Variants in DAGLA observed in about 807,000 individuals in gnomAD.
DAGLA encodes diacylglycerol lipase-alpha.
A neutral mutation model predicts 102.6 loss-of-function variants in DAGLA; 22 were observed. The ratio of observed to expected loss-of-function variants is 0.21; its 90% CI spans 0.15 to 0.31. The LOEUF (loss-of-function observed/expected upper bound fraction) is 0.31, where lower values mean the gene tolerates loss of function less well. DAGLA is among the 10% of genes least tolerant of loss of function. The pLI is 1.00. For missense variants in DAGLA, 927 were observed against 1,446.6 expected, an observed-to-expected ratio of 0.64 and a Z score of 5.83; for synonymous variants, 578 against 628.9, an observed-to-expected ratio of 0.92 and a Z score of 1.21.
chr11:61,723,617 G>C lies in DAGLA; in HGVS notation c.548+45G>C, dbSNP rs116883390. The stretch of plus-strand genomic sequence containing the variant: ...GGGCAGTCCCAGGGTGGGCTTTGCT[G>C]TCTGGTGAGCAGAGGTCTCCATTCT... On this transcript the variant is annotated intron_variant, in intron 5 of 19. Coordinates refer to ENST00000257215, the MANE Select transcript of DAGLA (RefSeq NM_006133.3). The C allele has an allele frequency of 1.5e-4, 241 of 1,599,560 alleles. No homozygotes were observed. In the East Asian group the frequency reaches 5.3e-3, roughly 35 times the overall value.
chr11:61,725,060 G>A (rs2065313834), intron 5 of DAGLA, among the ~76,000 whole-genome samples: 1 of 152,146 alleles, frequency 6.6e-6, no homozygotes, highest in African/African-American at 2.4e-5. Flanking sequence ...ACAGATTGAT[G>A]TTAAGTGCCT....
intron 7 of DAGLA, 49 bp from the exon 8 acceptor site, chr11:61,728,882 A>G (rs933050853): frequency 6.4e-6 from 10 of 1,557,470 alleles, no homozygotes; most frequent in Non-Finnish European, 8.9e-6. Context: ...CCAGCCATGC[A>G]GCCGGGCCTG....
At chr11:61,732,575 G>T (rs1013608324) in intron 9 of DAGLA, among the ~76,000 whole-genome samples, 2 of 152,188 alleles carry the variant, frequency 1.3e-5, no homozygotes, top group African/African-American at 4.8e-5. Flanking sequence ...CAGAACCCAG[G>T]GTATCACTGG....
intron 1 of DAGLA, among the ~76,000 whole-genome samples, chr11:61,699,407 C>T (rs1462566318): frequency 2.0e-5 from 3 of 152,170 alleles, no homozygotes; most frequent in Non-Finnish European, 2.9e-5. Flanking sequence ...CCACCCCACA[C>T]CCACAGGTGG....
intron 1 of DAGLA, among the ~76,000 whole-genome samples, chr11:61,712,693 G>A (rs1278083926): frequency 6.6e-6 from 1 of 152,164 alleles, no homozygotes; most frequent in Non-Finnish European, 1.5e-5. Flanking sequence ...CAGCCCACAC[G>A]TGCTTTCTCT....
intron 1 of DAGLA, among the ~76,000 whole-genome samples, chr11:61,683,911 A>G (rs1200017565): frequency 6.6e-6 from 1 of 152,114 alleles, no homozygotes; most frequent in African/African-American, 2.4e-5. Context: ...ACAATATTTC[A>G]ACTCTGGTCC....
chr11:61,703,387 G>A (rs2065123722), intron 1 of DAGLA, among the ~76,000 whole-genome samples: 1 of 141,054 alleles, frequency 7.1e-6, no homozygotes, highest in Non-Finnish European at 1.5e-5. Context: ...AGGAGGGGAT[G>A]TTTGAGCTAG....
At chr11:61,709,239 G>C (rs887522264) in intron 1 of DAGLA, among the ~76,000 whole-genome samples, 2 of 152,026 alleles carry the variant, frequency 1.3e-5, no homozygotes, top group East Asian at 3.9e-4. Flanking sequence ...TTTGTTTTTT[G>C]AGACAGAGTC....
At chr11:61,704,263 C>T (rs551982624) in intron 1 of DAGLA, among the ~76,000 whole-genome samples, 18 of 152,076 alleles carry the variant, frequency 1.2e-4, no homozygotes, top group Non-Finnish European at 2.2e-4. Context: ...GGATTACAGG[C>T]GCGTGCCACC....
chr11:61,731,179 C>G, intron 8 of DAGLA, 138 bp from the exon 9 acceptor site: 1 of 989,988 alleles, frequency 1.0e-6, no homozygotes, highest in Non-Finnish European at 1.5e-6. Context: ...GGCCTGGGCC[C>G]CACACCTCAA....
At chr11:61,736,128 C>A in intron 12 of DAGLA, 142 bp from the exon 13 acceptor site, 1 of 687,696 alleles carries the variant, frequency 1.5e-6, no homozygotes, top group South Asian at 1.8e-5. Flanking sequence ...ATCAGCGTGT[C>A]TGCCAGCCCC....
Position 61,720,970 on chromosome 11 carries a change from T to C in DAGLA, c.307+80T>C, listed in dbSNP as rs1243868859. The C allele has an allele frequency of 2.9e-6, 4 of 1,375,020 alleles. No homozygotes were observed. The African/African-American group carries it at 5.7e-5, about 20-fold the overall frequency. The allele number at this position is 1,375,020 out of a possible 1,614,324, so 85.2% of individuals were successfully genotyped here. On this transcript the variant is annotated intron_variant, in intron 3 of 19. Transcript: ENST00000257215. ...ACTCAGCCAGTATTTACTGCGCACA[T>C]GTTGCGAGCCAGGCCCTGTTTTAGC... is the stretch of plus-strand genomic sequence containing the variant.
At position 61,731,441 on chromosome 11, in the gene DAGLA, C is replaced by T. The variant is rs1432519134; in HGVS notation, c.974C>T (p.Ser325Leu). 5.6e-6 allele frequency: 9 copies of T among 1,613,324 alleles called. No homozygotes were observed. The highest frequency in any genetic ancestry group is 1.1e-5 in the South Asian group (1 of 91,024). Reference sequence around the variant, plus strand: ...CTCTGCCAACTGGCTCGGTCCTGCTCGTGAGTACCCCTGTCCCATCCCCCA... The same window carrying T: ...CTCTGCCAACTGGCTCGGTCCTGCTTGTGAGTACCCCTGTCCCATCCCCCA... ...CGLCQLARSC[S>L]CCLCPARPRF... The change falls in exon 9 of 20, where the codon TCG becomes TTG. Residue 325 changes from serine to leucine, a missense_variant and splice_region_variant. Around this residue, in one of 4 missense-constraint regions of DAGLA, gnomAD observed 44 missense variants for 44.0 expected, o/e 1.00. Coordinates refer to ENST00000257215, the MANE Select transcript of DAGLA (RefSeq NM_006133.3).
At chr11:61,698,477 G>A (rs370528534) in intron 1 of DAGLA, among the ~76,000 whole-genome samples, 1 of 152,326 alleles carries the variant, frequency 6.6e-6, no homozygotes, top group African/African-American at 2.4e-5. Flanking sequence ...TTGGAGATGG[G>A]GAGGCAGCCT....
Position 61,722,890 on chromosome 11 carries a change from C to T in DAGLA, c.339C>T (p.Ile113=), listed in dbSNP as rs548589938. Residue 113 remains isoleucine, a synonymous_variant, in exon 4 of 20, where the codon ATC becomes ATT. Transcript: ENST00000257215. The part of the protein sequence containing the change: ...AILVIEFIYA[I]VGIVWLTQYY... ...TGGTGATCGAGTTCATCTACGCCAT[C>T]GTGGGCATCGTCTGGCTCACTCAGT... 4.3e-6 allele frequency: 7 copies of T among 1,614,148 alleles called. No individual in the cohort carries two copies. The highest frequency in any genetic ancestry group is 3.3e-5 in the Admixed American group (2 of 60,028).
At position 61,739,560 on chromosome 11, in the gene DAGLA, C is replaced by T. The variant is rs1361333281; in HGVS notation, c.1752C>T (p.Thr584=). The change falls in exon 17 of 20, where the codon ACC becomes ACT. Residue 584 remains threonine (T), a synonymous_variant. Transcript: ENST00000257215. ...CCCTGGCCAGCACGCGGCTCTGGAC[C>T]CACCCCAGCGACCTAACTATAGCCC... The part of the protein sequence containing the change: ...VTTLASTRLW[T]HPSDLTIALS... The T allele has an allele frequency of 1.9e-6, 3 of 1,613,862 alleles. No homozygotes were observed. In the South Asian group the frequency reaches 3.3e-5, roughly 18 times the overall value.
intron 1 of DAGLA, among the ~76,000 whole-genome samples, chr11:61,687,910 G>A (rs533902991): frequency 6.6e-6 from 1 of 152,264 alleles, no homozygotes; most frequent in Non-Finnish European, 1.5e-5. Context: ...TCTTTTGTTA[G>A]CCTCAGTTGC....
intron 1 of DAGLA, among the ~76,000 whole-genome samples, chr11:61,691,411 C>T (rs1188600845): frequency 6.6e-6 from 1 of 152,236 alleles, no homozygotes; most frequent in Non-Finnish European, 1.5e-5. Flanking sequence ...AAAAGGCACA[C>T]AAAACTGAGT....
At chr11:61,699,576 A>C (rs1467406814) in intron 1 of DAGLA, among the ~76,000 whole-genome samples, 1 of 152,198 alleles carries the variant, frequency 6.6e-6, no homozygotes, top group Non-Finnish European at 1.5e-5. Flanking sequence ...CACCCAGCCA[A>C]GGCATGGCCC....
Sources: gnomAD v4.1 joint callset for allele counts (sites outside exome capture counted in the v4.1 genomes callset) on GRCh38, gnomAD v4.1.1 for gene constraint, gnomAD v4.1.1 regional missense constraint, MANE v1.5 for transcripts, NCBI Gene and HGNC (gene_info 2026-07-23, HGNC 2026-07-21) for gene names.